POTEC: variants seen among roughly 807,000 people sequenced by gnomAD.
The protein encoded by POTEC is ANKRD26-like family B member 2.
A neutral mutation model predicts 62.0 loss-of-function variants in POTEC; 35 were observed. That is an observed-to-expected ratio of 0.56 (90% CI 0.43 to 0.75). POTEC has a LOEUF of 0.75. Ranked by LOEUF, POTEC falls within the 30% of genes least tolerant of loss-of-function variation. The pLI is 0.00. For missense variants in POTEC, 472 were observed against 655.9 expected, an observed-to-expected ratio of 0.72 and a Z score of 3.06; for synonymous variants, 156 against 221.5, an observed-to-expected ratio of 0.70 and a Z score of 2.62.
At chr18:14,526,989 TATA>T (rs1692715213) in intron 6 of POTEC, among the ~76,000 whole-genome samples, 3 of 152,288 alleles carry the variant, frequency 2.0e-5, no homozygotes, top group South Asian at 4.1e-4. Context: ...AAGTCAATTC[TATA>T]ATAAGTCATA....
intron 1 of POTEC, among the ~76,000 whole-genome samples, chr18:14,540,076 TAACTA>T (rs1319696251): frequency 7.2e-6 from 1 of 139,654 alleles, no homozygotes; most frequent in Non-Finnish European, 1.5e-5. Context: ...CATAAATATA[TAACTA>T]AACTAAAATA....
In POTEC at chr18:14,512,273, A is replaced by T. The variant is rs576167989; in HGVS notation, c.1534-280T>A. Among the ~76,000 whole-genome samples, 5 of 152,350 alleles carry T rather than the reference A, an allele frequency of 3.3e-5. No individual in the cohort carries two copies. The South Asian group carries it at 8.3e-4, about 25-fold the overall frequency. On this transcript the variant is annotated intron_variant, in intron 10 of 10. Transcript: ENST00000358970. ...TCTGAATTACAAAAAACCCAGAGGC[A>T]TAAAATAGAAGATTAATACATTTGG...
At position 14,533,217 on chromosome 18, in the gene POTEC, T is replaced by C. The variant is rs1268080731; in HGVS notation, c.918-19A>G. 6.2e-7 allele frequency: 1 copy of C among 1,603,818 alleles called. No homozygotes were observed. The highest frequency in any genetic ancestry group is 1.1e-5 in the South Asian group (1 of 89,090). On this transcript the variant is annotated intron_variant, in intron 4 of 10. Coordinates refer to ENST00000358970, the MANE Select transcript of POTEC (RefSeq NM_001137671.2). ...GGCAGTTCTAAAATTACAGAGATAATTTCTCCTTTAGGAACTGTAATAAAG... is the reference window on the plus strand; with the variant it reads ...GGCAGTTCTAAAATTACAGAGATAACTTCTCCTTTAGGAACTGTAATAAAG...
chr18:14,542,683 T>C lies in POTEC; in HGVS notation c.464A>G (p.Lys155Arg), dbSNP rs769373922. ...GTCCCTGAGCATGACGATGAGATCC[T>C]TTCTGGGGACCTTACCCCACCAGGC... ...RAAWWGKVPR[K>R]DLIVMLRDTD... The change falls in exon 1 of 11, where the codon AAG (lysine) becomes AGG (arginine). Residue 155 changes from lysine to arginine, a missense_variant. Physicochemically the swap from Lys to Arg is conservative, Grantham distance 26 (BLOSUM62 2). This residue lies in a region of POTEC where 257 missense variants were observed against 250.7 expected (regional missense o/e 1.03). Transcript: ENST00000358970. 6.1e-5 allele frequency: 98 copies of C among 1,612,922 alleles called. No individual in the cohort carries two copies. Among genetic ancestry groups the C allele is most frequent in the Non-Finnish European group, 8.1e-5 (95 of 1,179,922 alleles).
Position 14,511,258 on chromosome 18 carries a change from C to T in POTEC, c.*640G>A, listed in dbSNP as rs1360587517. ...TCAGGTGGGAGATCCTGTCCAGTGA[C>T]GAGGAACAGGATCAGAGGCCTGCTT... On this transcript the variant is annotated 3_prime_UTR_variant, in exon 11 of 11. Coordinates refer to ENST00000358970, the MANE Select transcript of POTEC (RefSeq NM_001137671.2). 8.4e-4 allele frequency: 137 copies of T among 163,196 alleles called. 1 individual carries two copies. Among genetic ancestry groups the T allele is most frequent in the African/African-American group, 2.9e-3 (119 of 41,014 alleles). 10.1% of individuals were successfully genotyped at this position (163,196 alleles called of 1,614,324 possible).
Position 14,510,745 on chromosome 18 carries a change from T to C in POTEC, c.*1153A>G, listed in dbSNP as rs1334450973. ...AGGAGGAACAGGAATAGGGACTTGT[T>C]TAAAAAAGAAGTCTGGCCACGTTTT... On this transcript the variant is annotated 3_prime_UTR_variant, in exon 11 of 11. Coordinates refer to ENST00000358970, the MANE Select transcript of POTEC (RefSeq NM_001137671.2). The C allele has an allele frequency of 6.6e-6, 1 of 152,138 alleles. No individual in the cohort carries two copies. The highest frequency in any genetic ancestry group is 1.5e-5 in the Non-Finnish European group (1 of 68,040). 9.4% of individuals were successfully genotyped at this position (152,138 alleles called of 1,614,324 possible).
At chr18:14,514,373 C>A (rs1367001837) in intron 9 of POTEC, among the ~76,000 whole-genome samples, 4 of 152,018 alleles carry the variant, frequency 2.6e-5, no homozygotes, top group African/African-American at 9.7e-5. Context: ...CTCCCTACCA[C>A]TAACCTCTTG....
chr18:14,538,217 T>A lies in POTEC; in HGVS notation c.554A>T (p.Asn185Ile). ...CAGCAGGAGTTGTACTACTTCTGAA[T>A]TTCCATTGGCAGAGGCCAAATGTAG... is the stretch of plus-strand genomic sequence containing the variant. Reference protein sequence around the residue: ...TALHLASANGNSEVVQLLLDR... With the variant: ...TALHLASANGISEVVQLLLDR... The change falls in exon 2 of 11, where the codon AAT (asparagine) becomes ATT (isoleucine). Residue 185 changes from asparagine (N) to isoleucine (I), a missense_variant. Asn to Ile is a moderately radical substitution (Grantham distance 149). Around this residue, in one of 5 missense-constraint regions of POTEC, gnomAD observed 257 missense variants for 250.7 expected, o/e 1.03. Transcript: ENST00000358970. 1 of 1,610,098 alleles carries A rather than the reference T, an allele frequency of 6.2e-7. No individual in the cohort carries two copies. Among genetic ancestry groups the A allele is most frequent in the Non-Finnish European group, 8.5e-7 (1 of 1,179,070 alleles).
chr18:14,532,919 C>G, intron 5 of POTEC, 142 bp downstream of exon 5: 1 of 1,533,282 alleles, frequency 6.5e-7, no homozygotes, highest in South Asian at 1.3e-5. Flanking sequence ...TGATTTCTGG[C>G]TGATGCAGGG....
rs1444347382 is a variant in POTEC at position 14,511,922 on chromosome 18, C to A, written c.1605G>T (p.Met535Ile). Residue 535 changes from methionine to isoleucine, a missense_variant, in exon 11 of 11, where the codon ATG (methionine) becomes ATT (isoleucine). Physicochemically the swap from Met to Ile is conservative, Grantham distance 10 (BLOSUM62 1). Coordinates refer to ENST00000358970, the MANE Select transcript of POTEC (RefSeq NM_001137671.2). The stretch of plus-strand genomic sequence containing the variant: ...TCTAGTTCCAGTCTCCAGAAATTAG[C>A]ATGGCAATTTCTTCCTGCAACATGC... ...ENSMLQEEIA[M>I]LISGDWN The A allele has an allele frequency of 1.2e-6, 2 of 1,613,868 alleles. No individual in the cohort carries two copies. The highest frequency in any genetic ancestry group is 2.2e-5 in the East Asian group (1 of 44,838).
At chr18:14,512,774 T>TACACAC (rs55928315) in intron 10 of POTEC, among the ~76,000 whole-genome samples, 1 of 150,042 alleles carries the variant, frequency 6.7e-6, no homozygotes, top group South Asian at 2.1e-4. Flanking sequence ...CCATCTAGAA[T>TACACAC]ACACACACAC....
intron 3 of POTEC, among the ~76,000 whole-genome samples, chr18:14,535,660 C>T (rs1905687972): frequency 6.6e-6 from 1 of 151,784 alleles, no homozygotes; most frequent in Admixed American, 6.6e-5. Flanking sequence ...CCTGATTAAG[C>T]CAAAGCTCTA....
rs1214140954 is a variant in POTEC at position 14,509,535 on chromosome 18, G to A, written c.*2363C>T. On this transcript the variant is annotated 3_prime_UTR_variant, in exon 11 of 11. Transcript: ENST00000358970. ...AAACACACACAGCAAAGTGATGTAG[G>A]AAGTTTCCATATAAAGGGCTGCAGT... 3 of 152,126 alleles carry A rather than the reference G, an allele frequency of 2.0e-5. No homozygotes were observed. Among genetic ancestry groups the A allele is most frequent in the Non-Finnish European group, 4.4e-5 (3 of 68,060 alleles). 9.4% of individuals were successfully genotyped at this position (152,126 alleles called of 1,614,324 possible).
chr18:14,534,586 C>T (rs577509896), intron 4 of POTEC, among the ~76,000 whole-genome samples: 2 of 151,782 alleles, frequency 1.3e-5, no homozygotes, highest in African/African-American at 4.8e-5. Flanking sequence ...AATACTGAGT[C>T]ATAAAGTAAA....
chr18:14,532,226 T>C (rs1567913909), intron 5 of POTEC, among the ~76,000 whole-genome samples: 1 of 152,096 alleles, frequency 6.6e-6, no homozygotes, highest in African/African-American at 2.4e-5. Flanking sequence ...TGAAAGGATC[T>C]CTTACCATGA....
intron 7 of POTEC, among the ~76,000 whole-genome samples, chr18:14,524,442 C>G (rs1910386744): frequency 6.6e-6 from 1 of 152,088 alleles, no homozygotes; most frequent in Non-Finnish European, 1.5e-5. Context: ...GAATCCAGCT[C>G]AGGGACCTTC....
chr18:14,517,427 G>A (rs1026838000), intron 9 of POTEC, among the ~76,000 whole-genome samples: 9 of 152,146 alleles, frequency 5.9e-5, no homozygotes, highest in African/African-American at 2.2e-4. Context: ...AATAGACAGT[G>A]CCTGACCAGT....
intron 3 of POTEC, among the ~76,000 whole-genome samples, chr18:14,537,191 AC>A (rs1905749489): frequency 3.8e-5 from 3 of 78,790 alleles, no homozygotes; most frequent in African/African-American, 2.5e-4. Context: ...ACACACACAC[AC>A]ACACACACAC....
At chr18:14,525,964 C>A (rs955417019) in intron 6 of POTEC, among the ~76,000 whole-genome samples, 1 of 151,966 alleles carries the variant, frequency 6.6e-6, no homozygotes, top group Admixed American at 6.6e-5. Context: ...TGCGGTGGCA[C>A]AATCTCAGCT....
Sources: gnomAD v4.1 joint callset for allele counts (sites outside exome capture counted in the v4.1 genomes callset) on GRCh38, gnomAD v4.1.1 for gene constraint, gnomAD v4.1.1 regional missense constraint, MANE v1.5 for transcripts, NCBI Gene and HGNC (gene_info 2026-07-23, HGNC 2026-07-21) for gene names.